SORL1: variants seen among roughly 807,000 people sequenced by gnomAD.
SORL1 encodes the protein sortilin related receptor 1.
SORL1 carries 127 observed loss-of-function variants against 273.7 expected under a neutral mutation model. The observed-to-expected ratio is 0.46, with a 90% CI of 0.40 to 0.54. The LOEUF is 0.54. Among genes scored for constraint, SORL1 ranks in the 20% least tolerant of loss-of-function variants. The pLI is 0.00. For missense variants in SORL1, 2,494 were observed against 2,846.1 expected (o/e 0.88, Z 2.81); for synonymous variants, 1,031 against 1,067.4 (o/e 0.97, Z 0.66).
chr11:121,521,761 G>A (rs1862044675), intron 9 of SORL1, among the ~76,000 whole-genome samples: 1 of 152,236 alleles, frequency 6.6e-6, no homozygotes, highest in African/African-American at 2.4e-5. Context: ...ACAGATACTT[G>A]TTAGAGATCC....
At chr11:121,555,630 T>C (rs1294181248) in intron 18 of SORL1, among the ~76,000 whole-genome samples, 1 of 152,198 alleles carries the variant, frequency 6.6e-6, no homozygotes, top group Non-Finnish European at 1.5e-5. Flanking sequence ...TTATTAAACA[T>C]GATGGCAAAA....
intron 40 of SORL1, 195 bp from the exon 41 acceptor site, chr11:121,614,676 G>A (rs1474292375): frequency 3.8e-6 from 2 of 529,726 alleles, no homozygotes; most frequent in East Asian, 3.5e-5. Context: ...CAGTGCTTGT[G>A]CAGTGTGTTA....
In SORL1 at chr11:121,471,611, A is replaced by G. The variant is rs184262464; in HGVS notation, c.402+1488A>G. ...CTGATGAATTTGCCAGCACTTTCACACTAGCCTTAAGGATACATTTATAAT... is the reference window on the plus strand; with the variant it reads ...CTGATGAATTTGCCAGCACTTTCACGCTAGCCTTAAGGATACATTTATAAT... On this transcript the variant is annotated intron_variant, in intron 2 of 47. Transcript: ENST00000260197. 9.8e-5 allele frequency among the ~76,000 whole-genome samples: 15 copies of G among 152,312 alleles called. No homozygotes were observed. The East Asian group carries it at 1.5e-3, about 16-fold the overall frequency.
At chr11:121,500,192 G>A (rs1298792297) in intron 6 of SORL1, among the ~76,000 whole-genome samples, 1 of 152,196 alleles carries the variant, frequency 6.6e-6, no homozygotes, top group Non-Finnish European at 1.5e-5. Context: ...CAACTGTTAG[G>A]CTCTTTCAGT....
In SORL1 at chr11:121,478,348, G is replaced by A. The variant is rs948271647; in HGVS notation, c.528+105G>A. On this transcript the variant is annotated intron_variant, in intron 3 of 47. Coordinates refer to ENST00000260197, the MANE Select transcript of SORL1 (RefSeq NM_003105.6). Reference sequence around the variant, plus strand: ...GGAGATGGCGCTCTCTGTGATCTTTGTAGCATGACTGGTGGCTAGTGAGTT... The same window carrying A: ...GGAGATGGCGCTCTCTGTGATCTTTATAGCATGACTGGTGGCTAGTGAGTT... 9 of 1,288,230 alleles carry A rather than the reference G, an allele frequency of 7.0e-6. No homozygotes were observed. In the African/African-American group the frequency reaches 1.2e-4, roughly 17 times the overall value. The allele number at this position is 1,288,230 out of a possible 1,614,324, so 79.8% of individuals were successfully genotyped here.
chr11:121,606,948 T>C lies in SORL1; in HGVS notation c.5052T>C (p.Arg1684=). 6.2e-7 allele frequency: 1 copy of C among 1,610,386 alleles called. No homozygotes were observed. Among genetic ancestry groups the C allele is most frequent in the Non-Finnish European group, 8.5e-7 (1 of 1,176,538 alleles). The change falls in exon 36 of 48, where the codon CGT becomes CGC. Residue 1684 remains arginine, a synonymous_variant. Transcript: ENST00000260197. ...APPIHTHGLI[R]EYIVEYSRSG... is the part of the protein sequence containing the mutation. ...CCATCCACACCCATGGCCTCATCCG[T>C]GAGTACATTGTAAGTACCTTCCATG...
intron 32 of SORL1, among the ~76,000 whole-genome samples, chr11:121,602,798 C>T (rs1421496671): frequency 6.6e-6 from 1 of 152,156 alleles, no homozygotes; most frequent in Non-Finnish European, 1.5e-5. Flanking sequence ...CTATTATCAT[C>T]CTTGCTTTAA....
At chr11:121,506,688 A>G (rs1347388940) in intron 6 of SORL1, among the ~76,000 whole-genome samples, 1 of 152,152 alleles carries the variant, frequency 6.6e-6, no homozygotes, top group Non-Finnish European at 1.5e-5. Flanking sequence ...GTTTCAATCT[A>G]TTTGTATCTT....
At chr11:121,565,920 T>C (rs1367777748) in intron 21 of SORL1, among the ~76,000 whole-genome samples, 4 of 152,186 alleles carry the variant, frequency 2.6e-5, no homozygotes, top group Non-Finnish European at 5.9e-5. Flanking sequence ...GTGGGCTAGA[T>C]CAGCATGAAC....
chr11:121,458,254 G>A (rs954237089), intron 1 of SORL1, among the ~76,000 whole-genome samples: 2 of 152,150 alleles, frequency 1.3e-5, no homozygotes, highest in Non-Finnish European at 2.9e-5. Flanking sequence ...ATTGATAAGG[G>A]AAATGGCTGG....
intron 23 of SORL1, among the ~76,000 whole-genome samples, chr11:121,571,995 A>C (rs1040307065): frequency 7.2e-5 from 11 of 152,246 alleles, no homozygotes; most frequent in Non-Finnish European, 1.3e-4. Flanking sequence ...GCATTGAAGC[A>C]GATAATGGAA....
At chr11:121,481,264 C>T in intron 3 of SORL1, among the ~76,000 whole-genome samples, 1 of 118,652 alleles carries the variant, frequency 8.4e-6, no homozygotes, top group African/African-American at 3.6e-5. Flanking sequence ...CCAGCTCCTC[C>T]CCTAGTGCAC....
intron 32 of SORL1, among the ~76,000 whole-genome samples, chr11:121,597,333 T>G (rs1401382822): frequency 6.6e-6 from 1 of 152,180 alleles, no homozygotes; most frequent in Admixed American, 6.5e-5. Context: ...GGACAAATTT[T>G]TGTTGATCAT....
At chr11:121,486,778 G>A (rs1057001281) in intron 3 of SORL1, among the ~76,000 whole-genome samples, 5 of 152,038 alleles carry the variant, frequency 3.3e-5, no homozygotes, top group South Asian at 2.1e-4. Context: ...TGCGCCCGGC[G>A]GTGAGACTCT....
At chr11:121,530,228 C>T in intron 11 of SORL1, among the ~76,000 whole-genome samples, 1 of 152,126 alleles carries the variant, frequency 6.6e-6, no homozygotes, top group East Asian at 1.9e-4. Flanking sequence ...AGATATTTAC[C>T]ATTTCTCTTG....
chr11:121,543,767 G>A lies in SORL1; in HGVS notation c.1864+41G>A, dbSNP rs2276346. On this transcript the variant is annotated intron_variant, in intron 13 of 47. Transcript: ENST00000260197. Reference sequence around the variant, plus strand: ...CTTGGACCTTTTCACATGGATATGCGTGGACTTCCTGTTATGTGCAAAGCA... The same window carrying A: ...CTTGGACCTTTTCACATGGATATGCATGGACTTCCTGTTATGTGCAAAGCA... The A allele has an allele frequency of 1.6e-5, 25 of 1,571,906 alleles. No individual in the cohort carries two copies. In the South Asian group the frequency reaches 1.9e-4, roughly 12 times the overall value.
chr11:121,510,112 C>A (rs1293227437), intron 6 of SORL1, among the ~76,000 whole-genome samples: 5 of 152,130 alleles, frequency 3.3e-5, no homozygotes, highest in Middle Eastern at 3.2e-3. Context: ...CCACCAATAG[C>A]TGTTAAGTGG....
rs200869993 is a variant in SORL1, at chr11:121,545,294, G to A, written c.1916G>A (p.Arg639Gln). 44 of 1,614,046 alleles carry A rather than the reference G, an allele frequency of 2.7e-5. No homozygotes were observed. Among genetic ancestry groups the A allele is most frequent in the Admixed American group, 2.3e-4 (14 of 60,028 alleles). The change falls in exon 14 of 48, where the codon CGG (arginine) becomes CAG (glutamine). Residue 639 changes from arginine (R) to glutamine (Q), a missense_variant. Arg to Gln is a conservative substitution (Grantham distance 43). Around this residue, in one of 3 missense-constraint regions of SORL1, gnomAD observed 710 missense variants for 882.5 expected, o/e 0.80. Coordinates refer to ENST00000260197, the MANE Select transcript of SORL1 (RefSeq NM_003105.6). ...DYKLWSPSDE[R>Q]GNECLLGHKT... is the part of the protein sequence containing the mutation. Reference sequence around the variant, plus strand: ...AAGCTGTGGTCACCATCTGATGAGCGGGGGAATGAGTGTTTGCTGGGACAC... The same window carrying A: ...AAGCTGTGGTCACCATCTGATGAGCAGGGGAATGAGTGTTTGCTGGGACAC...
chr11:121,553,417 A>AT (rs1862533949), intron 16 of SORL1, among the ~76,000 whole-genome samples: 1 of 152,232 alleles, frequency 6.6e-6, no homozygotes, highest in African/African-American at 2.4e-5. Context: ...TATTAGTATT[A>AT]TTTTGGAGAT....
Sources: allele counts gnomAD v4.1 joint callset (sites outside exome capture counted in the v4.1 genomes callset), GRCh38; gene constraint gnomAD v4.1.1; regional missense constraint gnomAD v4.1.1; transcripts MANE v1.5; gene names NCBI Gene and HGNC (gene_info 2026-07-23, HGNC 2026-07-21).